Variants in PARD3 observed in about 807,000 individuals in gnomAD.
PARD3 encodes par-3 family cell polarity regulator.
A neutral mutation model predicts 155.4 loss-of-function variants in PARD3; 75 were observed. The observed-to-expected ratio is 0.48, with a 90% CI of 0.40 to 0.58. The LOEUF is 0.58. PARD3 is among the 20% of genes least tolerant of loss of function. PARD3 has a pLI of 0.00. For synonymous variants in PARD3, 576 were observed against 610.5 expected (o/e 0.94, Z 0.83); for missense variants, 1,642 against 1,721.7 (o/e 0.95, Z 0.82).
intron 22 of PARD3, among the ~76,000 whole-genome samples, chr10:34,157,033 G>A (rs1949042024): frequency 6.6e-6 from 1 of 152,166 alleles, no homozygotes; most frequent in African/African-American, 2.4e-5. Flanking sequence ...TGTATGAGAA[G>A]ATTCAAACTG....
chr10:34,706,698 C>T (rs2094367553), intron 1 of PARD3, among the ~76,000 whole-genome samples: 1 of 152,154 alleles, frequency 6.6e-6, no homozygotes, highest in Non-Finnish European at 1.5e-5. Flanking sequence ...AAGGTTGAGG[C>T]TGCTGTGAGC....
intron 2 of PARD3, among the ~76,000 whole-genome samples, chr10:34,551,611 G>A (rs554161325): frequency 4.6e-5 from 7 of 152,134 alleles, no homozygotes; most frequent in Admixed American, 2.0e-4. Flanking sequence ...AAAACTAAGC[G>A]AGAAGAATCC....
chr10:34,341,627 C>T lies in PARD3; in HGVS notation c.2408G>A (p.Cys803Tyr). The T allele has an allele frequency of 1.2e-6, 2 of 1,609,388 alleles. No individual in the cohort carries two copies. Among genetic ancestry groups the T allele is most frequent in the Non-Finnish European group, 1.7e-6 (2 of 1,178,014 alleles). The change falls in exon 16 of 25, where the codon TGC (cysteine) becomes TAC (tyrosine). Residue 803 changes from cysteine to tyrosine, a missense_variant and splice_region_variant. Physicochemically the swap from Cys to Tyr is radical, Grantham distance 194. This residue lies in a region of PARD3 where 1,529 missense variants were observed against 1,587.3 expected (regional missense o/e 0.96). Transcript: ENST00000374788. ...AKAAISDSAD[C>Y]SLSPDVDPVL... Reference sequence around the variant, plus strand: ...TTCCAACCCTGGACGATGAGCTTACCAGTCGGCTGAATCACTGATTGCAGC... The same window carrying T: ...TTCCAACCCTGGACGATGAGCTTACTAGTCGGCTGAATCACTGATTGCAGC...
At chr10:34,782,953 G>A (rs1317357872) in intron 1 of PARD3, among the ~76,000 whole-genome samples, 2 of 152,058 alleles carry the variant, frequency 1.3e-5, no homozygotes, top group Non-Finnish European at 2.9e-5. Context: ...TCGAACTCCT[G>A]ACCTCAGATG....
Position 34,238,883 on chromosome 10 carries a change from C to G in PARD3, c.3419+30774G>C, listed in dbSNP as rs575759621. Among the ~76,000 whole-genome samples, 5 of 152,252 alleles carry G rather than the reference C, an allele frequency of 3.3e-5. No homozygotes were observed. In the South Asian group the frequency reaches 1.0e-3, roughly 32 times the overall value. On this transcript the variant is annotated intron_variant, in intron 22 of 24. Transcript: ENST00000374788. ...AGCTCTTAATAACTGCACTGTACAG[C>G]CATGAATATACATGGTTTTAAATAT...
At chr10:34,380,318 A>G (rs980882287) in intron 9 of PARD3, among the ~76,000 whole-genome samples, 2 of 152,148 alleles carry the variant, frequency 1.3e-5, no homozygotes, top group African/African-American at 4.8e-5. Context: ...ATGGGACTCT[A>G]TATCATTAAG....
intron 2 of PARD3, among the ~76,000 whole-genome samples, chr10:34,568,634 G>A (rs1176758892): frequency 6.6e-6 from 1 of 152,168 alleles, no homozygotes; most frequent in Non-Finnish European, 1.5e-5. Flanking sequence ...GCTGTGGGGT[G>A]GCAGACCATG....
intron 22 of PARD3, among the ~76,000 whole-genome samples, chr10:34,136,416 T>C (rs888102954): frequency 3.3e-5 from 5 of 152,228 alleles, no homozygotes; most frequent in African/African-American, 1.2e-4. Flanking sequence ...ATTTGCATTT[T>C]TAATTATGCA....
chr10:34,404,746 C>T (rs886143240), intron 5 of PARD3, among the ~76,000 whole-genome samples: 2 of 152,028 alleles, frequency 1.3e-5, no homozygotes, highest in East Asian at 3.9e-4. Context: ...AGTTATGTAC[C>T]TTTCCATGTT....
intron 5 of PARD3, among the ~76,000 whole-genome samples, chr10:34,439,761 C>T (rs781444621): frequency 2.3e-4 from 35 of 152,082 alleles, no homozygotes; most frequent in Non-Finnish European, 4.9e-4. Flanking sequence ...AAAAGTATTA[C>T]GTGCCTACTA....
chr10:34,312,646 G>A (rs1375647453), intron 20 of PARD3, among the ~76,000 whole-genome samples: 1 of 151,988 alleles, frequency 6.6e-6, no homozygotes, highest in Non-Finnish European at 1.5e-5. Context: ...AATGCTTCGG[G>A]GACCCAGGTA....
intron 7 of PARD3, among the ~76,000 whole-genome samples, chr10:34,385,508 T>C (rs1842265739): frequency 6.6e-6 from 1 of 152,180 alleles, no homozygotes; most frequent in Admixed American, 6.5e-5. Context: ...CTTCCAAAAT[T>C]TGTATTTTCT....
At chr10:34,741,677 T>C (rs902987503) in intron 1 of PARD3, among the ~76,000 whole-genome samples, 1 of 152,172 alleles carries the variant, frequency 6.6e-6, no homozygotes, top group Admixed American at 6.5e-5. Flanking sequence ...CCCATGCTGG[T>C]CGGTGCCACT....
intron 22 of PARD3, among the ~76,000 whole-genome samples, chr10:34,171,642 C>G (rs191260810): frequency 1.3e-5 from 2 of 151,976 alleles, no homozygotes; most frequent in Non-Finnish European, 2.9e-5. Flanking sequence ...TCTGCACAGT[C>G]CTGTATCAAG....
intron 2 of PARD3, among the ~76,000 whole-genome samples, chr10:34,573,174 G>A (rs1428780535): frequency 2.7e-5 from 4 of 148,224 alleles, no homozygotes; most frequent in African/African-American, 5.0e-5. Context: ...GCAACATAGC[G>A]AGAGGCCCCA....
chr10:34,398,197 T>C lies in PARD3; in HGVS notation c.890+1133A>G, dbSNP rs147668671. Among the ~76,000 whole-genome samples, 70 of 152,288 alleles carry C rather than the reference T, an allele frequency of 4.6e-4. 1 individual carries two copies. The East Asian group carries it at 0.012, about 27-fold the overall frequency. ...TAAGTCAAGTTTCAGCTTTAGAACATTGCATGAACCATGAGAGATGAAATC... is the reference window on the plus strand; with the variant it reads ...TAAGTCAAGTTTCAGCTTTAGAACACTGCATGAACCATGAGAGATGAAATC... On this transcript the variant is annotated intron_variant, in intron 7 of 24. Coordinates refer to ENST00000374788, the MANE Select transcript of PARD3 (RefSeq NM_001184785.2).
In PARD3 at chr10:34,427,935, T is replaced by C. The variant is rs952421549; in HGVS notation, c.714+22382A>G. ...AAGACACAAACACACCATATCACCA[T>C]GTAGAGGAATGGGGGAGCTGGACAG... On this transcript the variant is annotated intron_variant, in intron 5 of 24. Transcript: ENST00000374788. Among the ~76,000 whole-genome samples the C allele has an allele frequency of 3.3e-5, 5 of 152,090 alleles. No homozygotes were observed. The South Asian group carries it at 6.2e-4, about 19-fold the overall frequency.
intron 7 of PARD3, among the ~76,000 whole-genome samples, chr10:34,385,434 C>G (rs1842259537): frequency 6.6e-6 from 1 of 152,188 alleles, no homozygotes; most frequent in South Asian, 2.1e-4. Context: ...CTGTTAATTA[C>G]TTGATGGCTG....
intron 1 of PARD3, among the ~76,000 whole-genome samples, chr10:34,749,982 A>G (rs549511711): frequency 6.6e-6 from 1 of 151,782 alleles, no homozygotes; most frequent in African/African-American, 2.4e-5. Context: ...AGATGGCACC[A>G]CTGCACTCCA....
Sources: allele counts gnomAD v4.1 joint callset (sites outside exome capture counted in the v4.1 genomes callset), GRCh38; gene constraint gnomAD v4.1.1; regional missense constraint gnomAD v4.1.1; transcripts MANE v1.5; gene names NCBI Gene and HGNC (gene_info 2026-07-23, HGNC 2026-07-21).